Variants in PRKG1 observed in about 807,000 individuals in gnomAD.
PRKG1 encodes protein kinase cGMP-dependent 1.
PRKG1 carries 35 observed loss-of-function variants against 88.1 expected under a neutral mutation model. That is an observed-to-expected ratio of 0.40 (90% CI 0.30 to 0.53). PRKG1 has a LOEUF of 0.53. Ranked by LOEUF, PRKG1 falls within the 20% of genes least tolerant of loss-of-function variation. PRKG1 has a pLI of 0.59. For synonymous variants in PRKG1, 303 were observed against 292.5 expected, an observed-to-expected ratio of 1.04 and a Z score of -0.37; for missense variants, 540 against 839.8, an observed-to-expected ratio of 0.64 and a Z score of 4.41.
chr10:51,972,261 G>A (rs1289892885), intron 5 of PRKG1, among the ~76,000 whole-genome samples: 1 of 151,802 alleles, frequency 6.6e-6, no homozygotes, highest in African/African-American at 2.4e-5. Context: ...CTTATATTTG[G>A]GATCAGATAG....
At chr10:51,830,546 GTGTTTTTTTTTT>G (rs1221763954) in intron 4 of PRKG1, among the ~76,000 whole-genome samples, 11 of 129,046 alleles carry the variant, frequency 8.5e-5, no homozygotes, top group East Asian at 2.3e-4. Context: ...TTCTCTTAAA[GTGTTTTTTTTTT>G]TGTTTTTTTT....
At chr10:51,067,364 A>G (rs901152765) in intron 1 of PRKG1, among the ~76,000 whole-genome samples, 1 of 151,914 alleles carries the variant, frequency 6.6e-6, no homozygotes, top group African/African-American at 2.4e-5. Flanking sequence ...AAACACTGTT[A>G]TCTTAGGTAA....
chr10:52,175,832 T>C (rs1838849707), intron 9 of PRKG1, among the ~76,000 whole-genome samples: 1 of 152,168 alleles, frequency 6.6e-6, no homozygotes, highest in African/African-American at 2.4e-5. Flanking sequence ...GCCCATTTTT[T>C]AATCCCATTG....
chr10:51,470,208 G>T (rs1840013287), intron 3 of PRKG1, among the ~76,000 whole-genome samples: 1 of 151,634 alleles, frequency 6.6e-6, no homozygotes, highest in South Asian at 2.1e-4. Flanking sequence ...AATTTATTTG[G>T]TTTTTAAGGT....
intron 7 of PRKG1, among the ~76,000 whole-genome samples, chr10:52,090,981 A>G (rs897858385): frequency 6.6e-6 from 1 of 152,154 alleles, no homozygotes; most frequent in Non-Finnish European, 1.5e-5. Context: ...CTATTGCTGC[A>G]TAACACATTA....
intron 5 of PRKG1, among the ~76,000 whole-genome samples, chr10:51,947,965 T>G (rs1272787889): frequency 1.3e-5 from 2 of 152,226 alleles, no homozygotes; most frequent in Non-Finnish European, 2.9e-5. Context: ...CCGTCATTAA[T>G]AAATTTTATA....
chr10:52,049,517 A>G (rs567880686), intron 5 of PRKG1, among the ~76,000 whole-genome samples: 1 of 152,298 alleles, frequency 6.6e-6, no homozygotes, highest in East Asian at 1.9e-4. Context: ...TTTTTAAGCA[A>G]TAAAGTGATT....
chr10:51,198,521 T>G (rs1837831279), intron 2 of PRKG1, among the ~76,000 whole-genome samples: 1 of 152,214 alleles, frequency 6.6e-6, no homozygotes, highest in African/African-American at 2.4e-5. Context: ...AGTAGAAGAA[T>G]TCTAGATCTT....
chr10:51,250,426 G>A (rs1839398340), intron 2 of PRKG1, among the ~76,000 whole-genome samples: 1 of 151,756 alleles, frequency 6.6e-6, no homozygotes, highest in Admixed American at 6.6e-5. Flanking sequence ...TCAGAATGAT[G>A]GAATAACCTG....
rs189218157 is a variant in PRKG1, at chr10:52,024,856, C to T, written c.763-29628C>T. On this transcript the variant is annotated intron_variant, in intron 5 of 17. Transcript: ENST00000373980. ...TTGGTTATATACCTAGTAATGAGAT[C>T]GCTGGGTCAAATGGTATTTCTAGTT... Among the ~76,000 whole-genome samples the T allele has an allele frequency of 2.2e-3, 338 of 152,222 alleles. 3 individuals are homozygous for T. The Middle Eastern group carries it at 0.031, about 14-fold the overall frequency.
intron 2 of PRKG1, among the ~76,000 whole-genome samples, chr10:51,222,133 A>G (rs374075083): frequency 2.7e-5 from 1 of 36,484 alleles, no homozygotes; most frequent in Non-Finnish European, 5.9e-5. Flanking sequence ...CCCCCCCCCG[A>G]CCCCAGCCTC....
intron 5 of PRKG1, among the ~76,000 whole-genome samples, chr10:52,040,837 T>TTTC (rs934227068): frequency 1.4e-5 from 2 of 142,106 alleles, no homozygotes; most frequent in African/African-American, 5.2e-5. Context: ...CTTTTCTTTT[T>TTTC]TTTTTTTTTT....
intron 9 of PRKG1, among the ~76,000 whole-genome samples, chr10:52,182,815 C>A (rs945465171): frequency 7.2e-5 from 11 of 151,766 alleles, no homozygotes; most frequent in Admixed American, 2.6e-4. Context: ...GGTACCAGTA[C>A]CATGCTGTTT....
upstream of PRKG1, among the ~76,000 whole-genome samples, chr10:51,071,187 A>G (rs1564588251): frequency 6.6e-6 from 1 of 152,374 alleles, no homozygotes; most frequent in South Asian, 2.1e-4. Flanking sequence ...GTTTATTTCC[A>G]GCATTTACTA....
At chr10:52,220,694 T>C (rs906662198) in intron 9 of PRKG1, among the ~76,000 whole-genome samples, 1 of 152,058 alleles carries the variant, frequency 6.6e-6, no homozygotes, top group African/African-American at 2.4e-5. Context: ...CTGTGTGAGT[T>C]TGCTAAGGAT....
chr10:52,187,729 A>C (rs1839234604), intron 9 of PRKG1, among the ~76,000 whole-genome samples: 1 of 152,162 alleles, frequency 6.6e-6, no homozygotes, highest in South Asian at 2.1e-4. Context: ...CATGATAACT[A>C]ATCCCCAAAT....
At chr10:51,279,333 T>G (rs1840225075) in intron 2 of PRKG1, among the ~76,000 whole-genome samples, 1 of 152,220 alleles carries the variant, frequency 6.6e-6, no homozygotes, top group African/African-American at 2.4e-5. Flanking sequence ...TTTGTTATAA[T>G]TTCTGTTCTT....
At chr10:51,003,993 C>A (rs1842915597) in intron 1 of PRKG1, among the ~76,000 whole-genome samples, 1 of 152,116 alleles carries the variant, frequency 6.6e-6, no homozygotes, top group Non-Finnish European at 1.5e-5. Context: ...GCATTCAATG[C>A]TGCAATTGAT....
intron 4 of PRKG1, among the ~76,000 whole-genome samples, chr10:51,878,750 T>G (rs1251493775): frequency 1.3e-5 from 2 of 152,222 alleles, no homozygotes; most frequent in Non-Finnish European, 2.9e-5. Flanking sequence ...CTTCCCATAC[T>G]GACTAGAGCT....
Sources: gnomAD v4.1 joint callset for allele counts (sites outside exome capture counted in the v4.1 genomes callset) on GRCh38, gnomAD v4.1.1 for gene constraint, MANE v1.5 for transcripts, NCBI Gene and HGNC (gene_info 2026-07-23, HGNC 2026-07-21) for gene names.